DCHS2: variants seen among roughly 807,000 people sequenced by gnomAD.
DCHS2 encodes protocadherin-23.
In DCHS2, 142 loss-of-function variants were observed where a neutral mutation model predicts 182.4. The observed-to-expected ratio is 0.78, with a 90% CI of 0.68 to 0.89. The LOEUF (loss-of-function observed/expected upper bound fraction) is 0.89, where lower values mean the gene tolerates loss of function less well. DCHS2 is among the 40% of genes least tolerant of loss of function. The pLI is 0.00. For synonymous variants in DCHS2, 1,740 were observed against 1,663.3 expected (o/e 1.05, Z -1.12); for missense variants, 4,319 against 4,198.6 (o/e 1.03, Z -0.79).
intron 3 of DCHS2, among the ~76,000 whole-genome samples, chr4:154,361,466 T>C (rs543422691): frequency 1.3e-5 from 2 of 152,042 alleles, no homozygotes; most frequent in Non-Finnish European, 2.9e-5. Context: ...TACATATAAT[T>C]CACAAAATGG....
intron 3 of DCHS2, among the ~76,000 whole-genome samples, chr4:154,353,564 T>A (rs1485440333): frequency 2.0e-5 from 3 of 152,200 alleles, no homozygotes; most frequent in African/African-American, 7.2e-5. Flanking sequence ...CTGACTCCTA[T>A]CATCTATCAG....
intron 19 of DCHS2, among the ~76,000 whole-genome samples, chr4:154,238,069 C>T (rs899610822): frequency 1.4e-5 from 2 of 146,160 alleles, no homozygotes; most frequent in South Asian, 2.2e-4. Context: ...AGAAGAACTG[C>T]CTTGCACACT....
At chr4:154,279,913 A>G (rs1734048501) in intron 13 of DCHS2, among the ~76,000 whole-genome samples, 1 of 152,002 alleles carries the variant, frequency 6.6e-6, no homozygotes, top group Non-Finnish European at 1.5e-5. Context: ...AAAACAATAG[A>G]AAAAAACAAT....
At chr4:154,478,860 A>T (rs1400923706) in intron 1 of DCHS2, among the ~76,000 whole-genome samples, 1 of 152,260 alleles carries the variant, frequency 6.6e-6, no homozygotes. Context: ...AAACATCAAC[A>T]TTATTCAGAA....
intron 3 of DCHS2, among the ~76,000 whole-genome samples, chr4:154,346,131 A>G (rs1287802033): frequency 2.0e-5 from 3 of 152,212 alleles, no homozygotes; most frequent in African/African-American, 7.2e-5. Flanking sequence ...ATTAGCTCCC[A>G]AAGACCCTTT....
Position 154,489,615 on chromosome 4 carries a change from C to T in DCHS2, c.1741G>A (p.Val581Ile). 2 of 1,551,094 alleles carry T rather than the reference C, an allele frequency of 1.3e-6. No individual in the cohort carries two copies. The highest frequency in any genetic ancestry group is 1.7e-6 in the Non-Finnish European group (2 of 1,146,516). ...SDHAWLRYTV[V>I]QLSAPCNLGS... ...AGATTGCAGGGAGCCGAGAGTTGGA[C>T]TACAGTGTAGCGCAGCCAGGCGTGA... Residue 581 changes from valine (V) to isoleucine (I), a missense_variant, in exon 1 of 20, where the codon GTC becomes ATC. Val to Ile is a conservative substitution (Grantham distance 29). Transcript: ENST00000357232.
intron 9 of DCHS2, among the ~76,000 whole-genome samples, chr4:154,319,330 C>A (rs1368372299): frequency 6.6e-6 from 1 of 151,614 alleles, no homozygotes; most frequent in Non-Finnish European, 1.5e-5. Flanking sequence ...GATTACAAAT[C>A]AAAAATAAAC....
intron 12 of DCHS2, among the ~76,000 whole-genome samples, chr4:154,300,354 T>C (rs575059946): frequency 6.6e-6 from 1 of 152,204 alleles, no homozygotes; most frequent in Middle Eastern, 3.4e-3. Flanking sequence ...ATCAAATTTC[T>C]ATTTTAAGAA....
intron 10 of DCHS2, among the ~76,000 whole-genome samples, chr4:154,309,087 G>A (rs1263931610): frequency 3.3e-5 from 5 of 151,996 alleles, no homozygotes; most frequent in Non-Finnish European, 5.9e-5. Context: ...TATTCTTATC[G>A]CACTGGCTTC....
chr4:154,390,439 C>G (rs1731645901), intron 1 of DCHS2, among the ~76,000 whole-genome samples: 1 of 151,874 alleles, frequency 6.6e-6, no homozygotes, highest in Admixed American at 6.6e-5. Flanking sequence ...ATACTGGTAG[C>G]AACTGTAAGT....
At chr4:154,319,656 TAAAAAAA>T (rs59154846) in intron 9 of DCHS2, among the ~76,000 whole-genome samples, 8 of 116,940 alleles carry the variant, frequency 6.8e-5, no homozygotes, top group Non-Finnish European at 5.3e-5. Flanking sequence ...TGGCTGTTAC[TAAAAAAA>T]AAAAAAAAAA....
At chr4:154,458,938 T>G (rs114649615) in intron 1 of DCHS2, among the ~76,000 whole-genome samples, 60 of 152,346 alleles carry the variant, frequency 3.9e-4, no homozygotes, top group African/African-American at 1.4e-3. Context: ...AATACTCTGA[T>G]GTACCCAATC....
chr4:154,298,501 T>C lies in DCHS2; in HGVS notation c.5813A>G (p.Tyr1938Cys). ...AGCATCTTCTCTCACAGAGGACTGG[T>C]AATAAAGTGTGGGAAAAGAAGGACT... The part of the protein sequence containing the change: ...DHSPSFPTLY[Y>C]QSSVREDAEV... Residue 1938 changes from tyrosine to cysteine, a missense_variant, in exon 13 of 20, where the codon TAC becomes TGC. Physicochemically the swap from Tyr to Cys is radical, Grantham distance 194. Coordinates refer to ENST00000357232, the MANE Select transcript of DCHS2 (RefSeq NM_001358235.2). 1 of 1,614,122 alleles carries C rather than the reference T, an allele frequency of 6.2e-7. No individual in the cohort carries two copies. The highest frequency in any genetic ancestry group is 1.1e-5 in the South Asian group (1 of 91,072).
chr4:154,320,281 G>GT, intron 9 of DCHS2, 98 bp downstream of exon 9: 1 of 1,499,640 alleles, frequency 6.7e-7, no homozygotes, highest in Non-Finnish European at 8.9e-7. Context: ...CAACAACAAT[G>GT]TATTGTACAC....
At chr4:154,250,620 C>T (rs72721382) in intron 16 of DCHS2, among the ~76,000 whole-genome samples, 4,826 of 152,206 alleles carry the variant, frequency 0.032, 151 homozygotes, top group African/African-American at 0.07. Flanking sequence ...TTTTCTTGCT[C>T]GATAAATTCA....
chr4:154,373,831 G>T, intron 2 of DCHS2: 1 of 1,043,368 alleles, frequency 9.6e-7, no homozygotes, highest in Non-Finnish European at 1.5e-6. Context: ...CAAGCACTCA[G>T]GGGAGAAGGA....
intron 13 of DCHS2, among the ~76,000 whole-genome samples, chr4:154,287,908 C>G (rs1367573328): frequency 6.6e-6 from 1 of 151,780 alleles, no homozygotes; most frequent in Non-Finnish European, 1.5e-5. Context: ...ATGGTAACCT[C>G]AAATCAAAAA....
In DCHS2 at chr4:154,305,179, T is replaced by G; in HGVS notation, c.5313A>C (p.Leu1771Phe). Reference protein sequence around the residue: ...FEIMPGASFELFEINSDTGEV... With the variant: ...FEIMPGASFEFFEINSDTGEV... ...CTCCAGTGTCAGAATTTATCTCGAA[T>G]AATTCAAATGAAGCACCTGGCATGA... is the stretch of plus-strand genomic sequence containing the variant. The change falls in exon 11 of 20, where the codon TTA becomes TTC. Residue 1771 changes from leucine to phenylalanine, a missense_variant. By Grantham distance (22) the Leu-to-Phe change is conservative. Transcript: ENST00000357232. 2 of 1,613,042 alleles carry G rather than the reference T, an allele frequency of 1.2e-6. No individual in the cohort carries two copies. Among genetic ancestry groups the G allele is most frequent in the Non-Finnish European group, 1.7e-6 (2 of 1,179,520 alleles).
intron 1 of DCHS2, among the ~76,000 whole-genome samples, chr4:154,411,202 A>T (rs1196861761): frequency 6.6e-6 from 1 of 152,004 alleles, no homozygotes; most frequent in Non-Finnish European, 1.5e-5. Flanking sequence ...ATACATAGTG[A>T]TAGAGAATAA....
Sources: allele counts gnomAD v4.1 joint callset (sites outside exome capture counted in the v4.1 genomes callset), GRCh38; gene constraint gnomAD v4.1.1; transcripts MANE v1.5; gene names NCBI Gene and HGNC (gene_info 2026-07-23, HGNC 2026-07-21).